The following OPRM1 variants were observed in gnomAD, a reference collection of about 807,000 sequenced individuals.
The protein encoded by OPRM1 is mu-type opioid receptor.
In OPRM1, 27 loss-of-function variants were observed where a neutral mutation model predicts 31.8. That is an observed-to-expected ratio of 0.85 (90% CI 0.63 to 1.17). The LOEUF is 1.17. Among genes scored for constraint, OPRM1 ranks in the 50% most tolerant of loss-of-function variants. The probability of loss-of-function intolerance (pLI) is 0.00; values close to 1 mark genes in which losing one functional copy is unlikely to be tolerated. For missense variants in OPRM1, 536 were observed against 511.1 expected, an observed-to-expected ratio of 1.05 and a Z score of -0.47; for synonymous variants, 196 against 189.9, an observed-to-expected ratio of 1.03 and a Z score of -0.26.
intron 3 of OPRM1, among the ~76,000 whole-genome samples, chr6:154,221,701 G>A (rs538976345): frequency 4.6e-5 from 7 of 152,020 alleles, no homozygotes; most frequent in South Asian, 4.2e-4. Flanking sequence ...GTGAAACCCC[G>A]TCTCTACTAA....
chr6:154,229,727 C>T (rs1779576205), intron 3 of OPRM1, among the ~76,000 whole-genome samples: 1 of 152,136 alleles, frequency 6.6e-6, no homozygotes, highest in Non-Finnish European at 1.5e-5. Context: ...TAGGTGTCTA[C>T]CCAAGAGGAA....
At chr6:154,184,687 G>A (rs187183738) in intron 3 of OPRM1, among the ~76,000 whole-genome samples, 17 of 151,836 alleles carry the variant, frequency 1.1e-4, no homozygotes, top group Admixed American at 3.9e-4. Flanking sequence ...TATTTTTTTC[G>A]AATGAATGAA....
chr6:154,051,276 T>C (rs1252979259), intron 1 of OPRM1, among the ~76,000 whole-genome samples: 1 of 152,220 alleles, frequency 6.6e-6, no homozygotes, highest in Non-Finnish European at 1.5e-5. Context: ...AAAAGGGCTC[T>C]GCCTAAAATT....
intron 3 of OPRM1, chr6:154,223,280 A>C (rs1365258773): frequency 1.4e-6 from 2 of 1,473,312 alleles, no homozygotes; most frequent in Non-Finnish European, 1.9e-6. Context: ...GAATGAATGC[A>C]TCAATCCTGG....
At chr6:154,095,232 A>G (rs898917009) in intron 3 of OPRM1, among the ~76,000 whole-genome samples, 1 of 152,248 alleles carries the variant, frequency 6.6e-6, no homozygotes, top group Non-Finnish European at 1.5e-5. Context: ...CAGAGGTTGC[A>G]GTGAGCCCAG....
chr6:154,142,450 T>C (rs1798243556), intron 3 of OPRM1, among the ~76,000 whole-genome samples: 2 of 152,072 alleles, frequency 1.3e-5, no homozygotes, highest in South Asian at 2.1e-4. Flanking sequence ...CAGGCGAGCA[T>C]GTGTACAACT....
rs191669679 is a variant in OPRM1, at chr6:154,107,936, G to A, written c.1165-10747G>A. Reference sequence around the variant, plus strand: ...TTCACATTAATCAAAACTTTACAGAGGAGATAAACACTGATTTTTTTATTT... The same window carrying A: ...TTCACATTAATCAAAACTTTACAGAAGAGATAAACACTGATTTTTTTATTT... On this transcript the variant is annotated intron_variant, in intron 3 of 3. Transcript: ENST00000330432. The A allele has an allele frequency of 2.1e-5, 13 of 614,288 alleles. No individual in the cohort carries two copies. The East Asian group carries it at 3.4e-4, about 16-fold the overall frequency. 38.1% of individuals were successfully genotyped at this position (614,288 alleles called of 1,614,324 possible). A position where few individuals can be genotyped will look rare whatever the true frequency, so the allele number is the denominator to read the frequency against.
At chr6:154,160,212 C>T (rs1798893755) in intron 3 of OPRM1, among the ~76,000 whole-genome samples, 1 of 152,204 alleles carries the variant, frequency 6.6e-6, no homozygotes, top group African/African-American at 2.4e-5. Context: ...CATTTGTTTG[C>T]ATACGCTAGC....
intron 1 of OPRM1, among the ~76,000 whole-genome samples, chr6:154,018,026 A>G (rs1192308697): frequency 6.6e-6 from 1 of 152,190 alleles, no homozygotes; most frequent in Non-Finnish European, 1.5e-5. Flanking sequence ...CTCCCCAGGG[A>G]AACCACAGAC....
intron 1 of OPRM1, among the ~76,000 whole-genome samples, chr6:154,028,071 T>C (rs999146082): frequency 6.6e-6 from 1 of 152,210 alleles, no homozygotes; most frequent in Non-Finnish European, 1.5e-5. Context: ...ATAGTCACCA[T>C]GGCTGGGAAC....
intron 1 of OPRM1, among the ~76,000 whole-genome samples, chr6:154,073,335 T>A (rs1787193806): frequency 1.3e-5 from 2 of 152,134 alleles, no homozygotes; most frequent in African/African-American, 2.4e-5. Context: ...AGGGCAGAGA[T>A]ACTAGGCTAT....
In OPRM1 at chr6:154,126,241, T is replaced by A. The variant is rs1797581100; in HGVS notation, c.*7520T>A. ...GAAGACAACTCTTTTCCTAAGAGTC[T>A]GGGTAAAATTGAACATAGCCATATT... On this transcript the variant is annotated 3_prime_UTR_variant, in exon 4 of 4. Transcript: ENST00000330432. Among the ~76,000 whole-genome samples, 1 of 152,094 alleles carries A rather than the reference T, an allele frequency of 6.6e-6. No homozygotes were observed. Among genetic ancestry groups the A allele is most frequent in the Non-Finnish European group, 1.5e-5 (1 of 68,018 alleles).
intron 1 of OPRM1, among the ~76,000 whole-genome samples, chr6:154,014,106 A>G (rs1231169113): frequency 6.6e-6 from 1 of 152,188 alleles, no homozygotes; most frequent in East Asian, 1.9e-4. Context: ...TTACTGATCT[A>G]TTTGATCTAA....
At chr6:154,239,450 T>A (rs895206391) in intron 3 of OPRM1, among the ~76,000 whole-genome samples, 1 of 152,180 alleles carries the variant, frequency 6.6e-6, no homozygotes, top group Non-Finnish European at 1.5e-5. Context: ...GTAACAGAAT[T>A]CAAGAAAGTC....
chr6:154,099,608 T>G (rs1269589890), intron 3 of OPRM1, among the ~76,000 whole-genome samples: 1 of 147,850 alleles, frequency 6.8e-6, no homozygotes, highest in Non-Finnish European at 1.5e-5. Context: ...TGCAATAAAA[T>G]CTCTTAAATA....
chr6:154,135,747 C>T (rs937656100), downstream of OPRM1, among the ~76,000 whole-genome samples: 11 of 152,136 alleles, frequency 7.2e-5, no homozygotes, highest in African/African-American at 1.4e-4. Flanking sequence ...CCAAGTCTCC[C>T]GAGGAATGAA....
At chr6:154,178,254 G>T (rs546094942) in intron 3 of OPRM1, among the ~76,000 whole-genome samples, 1 of 152,020 alleles carries the variant, frequency 6.6e-6, no homozygotes, top group Non-Finnish European at 1.5e-5. Context: ...AAACCTGCAC[G>T]TTGTGCACAA....
intron 3 of OPRM1, among the ~76,000 whole-genome samples, chr6:154,163,268 C>T (rs1302158289): frequency 6.6e-6 from 1 of 152,206 alleles, no homozygotes; most frequent in Non-Finnish European, 1.5e-5. Context: ...GACCTCCTTG[C>T]TCTTCCTTAA....
chr6:154,136,254 C>T (rs970781513), downstream of OPRM1, among the ~76,000 whole-genome samples: 2 of 152,160 alleles, frequency 1.3e-5, no homozygotes, highest in African/African-American at 4.8e-5. Context: ...GGGGCTTCCA[C>T]GTCTCTATCT....
Sources: allele counts gnomAD v4.1 joint callset (sites outside exome capture counted in the v4.1 genomes callset), GRCh38; gene constraint gnomAD v4.1.1; transcripts MANE v1.5; gene names NCBI Gene and HGNC (gene_info 2026-07-23, HGNC 2026-07-21).